KREMEN1: variants seen among roughly 807,000 people sequenced by gnomAD.
The protein encoded by KREMEN1 is kremen protein 1.
KREMEN1 carries 30 observed loss-of-function variants against 46.5 expected under a neutral mutation model. That is an observed-to-expected ratio of 0.65 (90% CI 0.48 to 0.88). The LOEUF (loss-of-function observed/expected upper bound fraction) is 0.88, where lower values mean the gene tolerates loss of function less well. KREMEN1 is among the 40% of genes least tolerant of loss of function. KREMEN1 has a pLI of 0.00. For missense variants in KREMEN1, 533 were observed against 596.9 expected (o/e 0.89, Z 1.11); for synonymous variants, 214 against 230.6 (o/e 0.93, Z 0.65).
intron 3 of KREMEN1, among the ~76,000 whole-genome samples, chr22:29,111,311 A>T (rs1033519360): frequency 2.6e-5 from 3 of 117,342 alleles, no homozygotes; most frequent in South Asian, 2.6e-4. Flanking sequence ...TGTCTCTATT[A>T]AAAAAAAAAA....
intron 1 of KREMEN1, among the ~76,000 whole-genome samples, chr22:29,091,748 T>C (rs2037810041): frequency 6.6e-6 from 1 of 152,186 alleles, no homozygotes; most frequent in South Asian, 2.1e-4. Flanking sequence ...TCTCTCTCTC[T>C]TTCTCTCAGA....
chr22:29,088,431 C>T (rs951771267), intron 1 of KREMEN1, among the ~76,000 whole-genome samples: 1 of 152,112 alleles, frequency 6.6e-6, no homozygotes, highest in Non-Finnish European at 1.5e-5. Flanking sequence ...CAGGCTCAAG[C>T]GATCCGCCTA....
chr22:29,118,020 G>C (rs1454202872), intron 3 of KREMEN1, among the ~76,000 whole-genome samples: 1 of 152,202 alleles, frequency 6.6e-6, no homozygotes, highest in Non-Finnish European at 1.5e-5. Context: ...TGCAAGCCAG[G>C]TGTCTACCAG....
chr22:29,143,811 G>C lies in KREMEN1; in HGVS notation c.*1699G>C. On this transcript the variant is annotated 3_prime_UTR_variant, in exon 9 of 9. Transcript: ENST00000400335. ...CTCCTGTGGGGACCAAGTGGGGTTAGGAATGGCTCAGTGGGGAAGGAGAGC... is the reference window on the plus strand; with the variant it reads ...CTCCTGTGGGGACCAAGTGGGGTTACGAATGGCTCAGTGGGGAAGGAGAGC... 1.0e-6 allele frequency: 1 copy of C among 985,398 alleles called. No individual in the cohort carries two copies. The allele number at this position is 985,398 out of a possible 1,614,324, so 61.0% of individuals were successfully genotyped here. A position where few individuals can be genotyped will look rare whatever the true frequency, so the allele number is the denominator to read the frequency against.
Position 29,145,944 on chromosome 22 carries a change from G to A in KREMEN1, c.*3832G>A, listed in dbSNP as rs2038852329. On this transcript the variant is annotated 3_prime_UTR_variant, in exon 9 of 9. Coordinates refer to ENST00000400335, the MANE Select transcript of KREMEN1 (RefSeq NM_001039570.3). ...AGCCCAGGCAGGAGCCTTCCTGGCC[G>A]GGCTCAGGATCTGCCTGCAGCCCAG... 8.1e-6 allele frequency: 8 copies of A among 985,910 alleles called. No homozygotes were observed. Among genetic ancestry groups the A allele is most frequent in the South Asian group, 4.7e-5 (1 of 21,262 alleles). The allele number at this position is 985,910 out of a possible 1,614,324, so 61.1% of individuals were successfully genotyped here.
At chr22:29,131,530 A>ATATATC (rs2038534034) in intron 5 of KREMEN1, among the ~76,000 whole-genome samples, 2 of 11,638 alleles carry the variant, frequency 1.7e-4, no homozygotes, top group African/African-American at 3.6e-4. Flanking sequence ...GTTCATATAT[A>ATATATC]TATATATATA....
At chr22:29,122,170 C>A (rs2038367314) in intron 4 of KREMEN1, among the ~76,000 whole-genome samples, 1 of 152,050 alleles carries the variant, frequency 6.6e-6, no homozygotes. Flanking sequence ...GACATTTTAT[C>A]CCCCAAAAAT....
chr22:29,095,329 A>G (rs2145765010), intron 2 of KREMEN1, among the ~76,000 whole-genome samples: 1 of 152,282 alleles, frequency 6.6e-6, no homozygotes, highest in Admixed American at 6.5e-5. Flanking sequence ...GTGATTCACA[A>G]TTTCCTGGGG....
chr22:29,094,517 T>C, intron 2 of KREMEN1, 97 bp downstream of exon 2: 1 of 1,061,748 alleles, frequency 9.4e-7, no homozygotes, highest in South Asian at 1.6e-5. Context: ...GGGAAGTCTT[T>C]TGACCAACTC....
At chr22:29,131,560 A>ATATATGTGTGTGTG (rs1240832937) in intron 5 of KREMEN1, among the ~76,000 whole-genome samples, 1 of 69,940 alleles carries the variant, frequency 1.4e-5, no homozygotes, top group East Asian at 3.3e-4. Flanking sequence ...ATATATATAT[A>ATATATGTGTGTGTG]TGTGTGTGTG....
chr22:29,149,338 T>G (rs541270857), downstream of KREMEN1, among the ~76,000 whole-genome samples: 64 of 152,172 alleles, frequency 4.2e-4, no homozygotes, highest in Middle Eastern at 0.01. Context: ...AATTTTTGTG[T>G]TTTTAGTAGA....
At chr22:29,117,053 G>A (rs916356349) in intron 3 of KREMEN1, among the ~76,000 whole-genome samples, 2 of 152,234 alleles carry the variant, frequency 1.3e-5, no homozygotes, top group Admixed American at 1.3e-4. Flanking sequence ...ACTTGGCTTA[G>A]AGGGGGAAGG....
At chr22:29,120,443 T>TGGAGGAGGGAGAGGTGATGAA (rs2038328919) in intron 3 of KREMEN1, among the ~76,000 whole-genome samples, 1 of 46,766 alleles carries the variant, frequency 2.1e-5, no homozygotes, top group African/African-American at 1.2e-4. Flanking sequence ...GAGGTGATGA[T>TGGAGGAGGGAGAGGTGATGAA]GGAAACAGGG....
chr22:29,166,029 C>G (rs1228890658), intron 9 of KREMEN1, among the ~76,000 whole-genome samples: 1 of 152,178 alleles, frequency 6.6e-6, no homozygotes, highest in Non-Finnish European at 1.5e-5. Context: ...AAGGCAGGGT[C>G]ACTATCAGAA....
chr22:29,142,205 C>G lies in KREMEN1; in HGVS notation c.*93C>G. On this transcript the variant is annotated 3_prime_UTR_variant, in exon 9 of 9. Transcript: ENST00000400335. ...GTGGTTCTTCTCTGACAGACTCTTC[C>G]CCTCCTCTCCCTCTGCCTCGGCCTC... The G allele has an allele frequency of 7.0e-7, 1 of 1,428,844 alleles. No homozygotes were observed. Among genetic ancestry groups the G allele is most frequent in the Non-Finnish European group, 9.2e-7 (1 of 1,092,248 alleles). 88.5% of individuals were successfully genotyped at this position (1,428,844 alleles called of 1,614,324 possible). A position where few individuals can be genotyped will look rare whatever the true frequency, so the allele number is the denominator to read the frequency against.
At chr22:29,140,561 G>A (rs5763001) in intron 8 of KREMEN1, among the ~76,000 whole-genome samples, 195 bp downstream of exon 8, 4,509 of 152,262 alleles carry the variant, frequency 0.03, 147 homozygotes, top group East Asian at 0.16. Context: ...ATCTCATTAA[G>A]GTTTCAGGGA....
chr22:29,165,616 TC>T (rs1739257005), intron 9 of KREMEN1, among the ~76,000 whole-genome samples: 1 of 152,058 alleles, frequency 6.6e-6, no homozygotes, highest in African/African-American at 2.4e-5. Flanking sequence ...GTAATAATTT[TC>T]CCCCTACTCA....
At chr22:29,075,845 A>G (rs539293384) in intron 1 of KREMEN1, among the ~76,000 whole-genome samples, 1 of 152,302 alleles carries the variant, frequency 6.6e-6, no homozygotes, top group African/African-American at 2.4e-5. Context: ...ATTCTGCACA[A>G]TTTTGTAATA....
chr22:29,164,150 T>C (rs2039034467), intron 9 of KREMEN1, among the ~76,000 whole-genome samples: 1 of 152,218 alleles, frequency 6.6e-6, no homozygotes, highest in African/African-American at 2.4e-5. Flanking sequence ...AGTCCAGATG[T>C]AAGAGATTTA....
Sources: gnomAD v4.1 joint callset for allele counts (sites outside exome capture counted in the v4.1 genomes callset) on GRCh38, gnomAD v4.1.1 for gene constraint, MANE v1.5 for transcripts, NCBI Gene and HGNC (gene_info 2026-07-23, HGNC 2026-07-21) for gene names.